QTMAN: variants seen among roughly 807,000 people sequenced by gnomAD.
QTMAN encodes the protein tRNA-queuosine alpha-mannosyltransferase.
At chr2:144,327,762 C>A in the QTMAN span, among the ~76,000 whole-genome samples, 2 of 152,066 alleles carry the variant, frequency 1.3e-5, no homozygotes, top group Admixed American at 6.5e-5. Flanking sequence ...TAGGTCCCAG[C>A]CCCCTAAAGG....
At chr2:144,097,577 A>G in the QTMAN span, among the ~76,000 whole-genome samples, 1 of 151,496 alleles carries the variant, frequency 6.6e-6, no homozygotes, top group Non-Finnish European at 1.5e-5. Context: ...GAGGGTGGGA[A>G]GGGGAGGGAA....
chr2:143,959,611 T>C, the QTMAN span, among the ~76,000 whole-genome samples: 2 of 152,128 alleles, frequency 1.3e-5, no homozygotes, highest in East Asian at 3.8e-4. Context: ...CTCAGGAGTT[T>C]TGTCATTACA....
At chr2:144,127,523 T>C in the QTMAN span, among the ~76,000 whole-genome samples, 1 of 151,976 alleles carries the variant, frequency 6.6e-6, no homozygotes, top group Non-Finnish European at 1.5e-5. Context: ...ATCCATACAA[T>C]AGCAAATTGA....
chr2:143,974,109 T>C, the QTMAN span, among the ~76,000 whole-genome samples: 1 of 152,216 alleles, frequency 6.6e-6, no homozygotes, highest in African/African-American at 2.4e-5. Flanking sequence ...GATTTAAAGA[T>C]AATATACTGA....
At chr2:143,983,454 G>C in the QTMAN span, among the ~76,000 whole-genome samples, 1 of 146,924 alleles carries the variant, frequency 6.8e-6, no homozygotes, top group African/African-American at 2.5e-5. Context: ...AAACTGAAAT[G>C]TGTCATTTTT....
chr2:144,237,770 C>G, the QTMAN span, among the ~76,000 whole-genome samples: 2 of 152,218 alleles, frequency 1.3e-5, no homozygotes, highest in South Asian at 4.1e-4. Context: ...CAGGGTTGGT[C>G]TGAGTGATCA....
At chr2:143,947,050 T>C in the QTMAN span, 1 of 1,604,734 alleles carries the variant, frequency 6.2e-7, no homozygotes, top group Non-Finnish European at 8.5e-7. Context: ...TAGCCCCATC[T>C]GTCACAAATC....
chr2:144,065,312 T>A, the QTMAN span, among the ~76,000 whole-genome samples: 1 of 151,958 alleles, frequency 6.6e-6, no homozygotes, highest in Non-Finnish European at 1.5e-5. Context: ...TACACTGGAG[T>A]ATCTTCTGTC....
At chr2:144,026,464 C>A in the QTMAN span, among the ~76,000 whole-genome samples, 8 of 152,080 alleles carry the variant, frequency 5.3e-5, no homozygotes, top group Non-Finnish European at 8.8e-5. Flanking sequence ...AGAATGGACT[C>A]ATCTGTCATC....
At chr2:144,272,534 C>A in the QTMAN span, among the ~76,000 whole-genome samples, 1 of 152,298 alleles carries the variant, frequency 6.6e-6, no homozygotes, top group Non-Finnish European at 1.5e-5. Context: ...ACACTCCACA[C>A]TCCCCTCTGT....
the QTMAN span, chr2:144,145,502 T>A: frequency 1.7e-6 from 2 of 1,159,064 alleles, no homozygotes; most frequent in Non-Finnish European, 2.5e-6. Context: ...GGTCTCCAGA[T>A]TTAAAACGTA....
At chr2:143,957,988 C>T in the QTMAN span, among the ~76,000 whole-genome samples, 1 of 152,018 alleles carries the variant, frequency 6.6e-6, no homozygotes, top group Non-Finnish European at 1.5e-5. Flanking sequence ...CTCATCAGCC[C>T]TTTGAATGAA....
chr2:144,182,638 C>T, the QTMAN span, among the ~76,000 whole-genome samples: 4 of 97,366 alleles, frequency 4.1e-5, no homozygotes, highest in Admixed American at 1.2e-4. Flanking sequence ...AGTGAGACTC[C>T]GTCTCAAAAA....
the QTMAN span, among the ~76,000 whole-genome samples, chr2:144,201,269 G>C: frequency 3.7e-3 from 564 of 152,276 alleles, 13 homozygotes; most frequent in Admixed American, 0.03. Flanking sequence ...AGGGGTGTGG[G>C]TTGGGGGCAT....
the QTMAN span, among the ~76,000 whole-genome samples, chr2:144,215,674 A>T: frequency 6.6e-6 from 1 of 152,324 alleles, no homozygotes; most frequent in African/African-American, 2.4e-5. Flanking sequence ...GCAGCAATGA[A>T]TTCGTTCTAC....
chr2:144,146,007 A>AAAAAAAAAAAAG, the QTMAN span: 1 of 219,686 alleles, frequency 4.6e-6, no homozygotes, highest in Non-Finnish European at 8.7e-6. Context: ...AAAAAAAAAA[A>AAAAAAAAAAAAG]AAAAAAAAAA....
chr2:144,182,888 A>ATATATATATATTATATATATATTT, the QTMAN span, among the ~76,000 whole-genome samples: 2 of 84,980 alleles, frequency 2.4e-5, no homozygotes, highest in Admixed American at 3.5e-4. Context: ...TATATATTTT[A>ATATATATATATTATATATATATTT]TATATATATA....
the QTMAN span, among the ~76,000 whole-genome samples, chr2:144,269,894 A>T: frequency 6.6e-6 from 1 of 152,036 alleles, no homozygotes; most frequent in South Asian, 2.1e-4. Context: ...ATAACAGCAT[A>T]TATAAGAAAT....
At chr2:143,944,816 T>C in the QTMAN span, 2 of 152,074 alleles carry the variant, frequency 1.3e-5, no homozygotes, top group African/African-American at 4.8e-5. Context: ...TTTATGAGTG[T>C]AGAAAAAAAT....
Sources: gnomAD v4.1 joint callset for allele counts (sites outside exome capture counted in the v4.1 genomes callset) on GRCh38, gnomAD v4.1.1 for gene constraint, MANE v1.5 for transcripts, NCBI Gene and HGNC (gene_info 2026-07-23, HGNC 2026-07-21) for gene names.